The following NELL1 variants were observed in gnomAD, a reference collection of about 807,000 sequenced individuals.
NELL1 encodes protein kinase C-binding protein NELL1.
In NELL1, 76 loss-of-function variants were observed where a neutral mutation model predicts 107.4. The ratio of observed to expected loss-of-function variants is 0.71; its 90% CI spans 0.59 to 0.86. The LOEUF is 0.86. Among genes scored for constraint, NELL1 ranks in the 40% least tolerant of loss-of-function variants. The probability of loss-of-function intolerance (pLI) is 0.00; values close to 1 mark genes in which losing one functional copy is unlikely to be tolerated. For synonymous variants in NELL1, 353 were observed against 341.2 expected (o/e 1.03, Z -0.38); for missense variants, 1,024 against 1,005.5 (o/e 1.02, Z -0.25).
intron 14 of NELL1, 152 bp from the exon 15 acceptor site, chr11:21,370,701 A>C (rs1851338140): frequency 1.7e-6 from 1 of 591,862 alleles, no homozygotes; most frequent in African/African-American, 1.9e-5. Flanking sequence ...TATTACATTT[A>C]TTTCTTTTTC....
Position 20,669,898 on chromosome 11 carries a change from C to T in NELL1, c.55+120C>T, listed in dbSNP as rs776081592. 1 of 813,748 alleles carries T rather than the reference C, an allele frequency of 1.2e-6. No individual in the cohort carries two copies. The highest frequency in any genetic ancestry group is 2.1e-6 in the Non-Finnish European group (1 of 474,018). The allele number at this position is 813,748 out of a possible 1,614,324, so 50.4% of individuals were successfully genotyped here. On this transcript the variant is annotated intron_variant, in intron 1 of 19. Transcript: ENST00000357134. The surrounding 1 kb of genome is among the most constrained non-coding windows in gnomAD (Gnocchi z 4.4). ...GTCTGGGGAACGGCGGTAGCGTGGA[C>T]CGGTTCCTGGGATCTCTTTGCCCTG...
intron 15 of NELL1, among the ~76,000 whole-genome samples, chr11:21,371,348 C>G (rs539658152): frequency 2.0e-5 from 3 of 152,068 alleles, no homozygotes; most frequent in African/African-American, 7.2e-5. Context: ...ATGCTCCTTG[C>G]GTAAAACCAC....
At chr11:21,175,134 T>C (rs1231774698) in intron 13 of NELL1, among the ~76,000 whole-genome samples, 6 of 151,820 alleles carry the variant, frequency 4.0e-5, no homozygotes, top group Non-Finnish European at 8.8e-5. Flanking sequence ...AGCGTAATTC[T>C]GACCTTCTTT....
chr11:21,441,745 G>T (rs1361175699), intron 15 of NELL1, among the ~76,000 whole-genome samples: 1 of 150,934 alleles, frequency 6.6e-6, no homozygotes, highest in East Asian at 2.0e-4. Flanking sequence ...GGGTTGATAA[G>T]GTCTGACATC....
chr11:21,051,254 A>G (rs1245000250), intron 12 of NELL1, among the ~76,000 whole-genome samples: 1 of 152,150 alleles, frequency 6.6e-6, no homozygotes, highest in Non-Finnish European at 1.5e-5. Context: ...GGAGTTGGAG[A>G]CCATTATTCT....
At chr11:20,684,244 C>CA (rs1030591487) in intron 2 of NELL1, among the ~76,000 whole-genome samples, 4 of 151,128 alleles carry the variant, frequency 2.6e-5, no homozygotes, top group African/African-American at 2.4e-5. Context: ...CTCATCTCTA[C>CA]AAAAAATAAA....
chr11:21,295,639 A>T (rs894352906), intron 14 of NELL1, among the ~76,000 whole-genome samples: 1 of 152,068 alleles, frequency 6.6e-6, no homozygotes, highest in Non-Finnish European at 1.5e-5. Flanking sequence ...GGGAATACGC[A>T]TAATTTCTGC....
intron 14 of NELL1, among the ~76,000 whole-genome samples, chr11:21,252,452 C>G (rs1159855421): frequency 6.6e-6 from 1 of 152,084 alleles, no homozygotes; most frequent in Non-Finnish European, 1.5e-5. Flanking sequence ...CCTGACACTC[C>G]CGTTTGACCA....
intron 15 of NELL1, among the ~76,000 whole-genome samples, chr11:21,532,390 C>T (rs571116031): frequency 1.3e-5 from 2 of 152,308 alleles, no homozygotes; most frequent in African/African-American, 4.8e-5. Context: ...CACTTCTGTT[C>T]TTCCTAGAAA....
chr11:20,752,174 G>C (rs567008159), intron 2 of NELL1, among the ~76,000 whole-genome samples: 1 of 149,138 alleles, frequency 6.7e-6, no homozygotes, highest in East Asian at 2.0e-4. Flanking sequence ...CATCAAGTCT[G>C]ATGTTACCTG....
intron 12 of NELL1, among the ~76,000 whole-genome samples, chr11:21,003,730 C>CT (rs1212729073): frequency 6.6e-6 from 1 of 152,100 alleles, no homozygotes; most frequent in Non-Finnish European, 1.5e-5. Flanking sequence ...CTGAGGGTCT[C>CT]TGACTCCAAG....
intron 2 of NELL1, among the ~76,000 whole-genome samples, chr11:20,720,315 C>T (rs1855351124): frequency 6.6e-6 from 1 of 151,304 alleles, no homozygotes; most frequent in Non-Finnish European, 1.5e-5. Context: ...TCAAGCGATT[C>T]TCCTGCCTCA....
At position 21,088,059 on chromosome 11, in the gene NELL1, C is replaced by CTGTGTGTG. The variant is rs56900585; in HGVS notation, c.1301-25490_1301-25483dup. Reference sequence around the variant, plus strand: ...TTGTTTTCTGTGAGTCCCAGTAGCTCTGTGTGTGTGTGTGTGTGTGTGTGT... The same window carrying CTGTGTGTG: ...TTGTTTTCTGTGAGTCCCAGTAGCTCTGTGTGTGTGTGTGTGTGTGTGTGTGTGTGTGT... On this transcript the variant is annotated intron_variant, in intron 12 of 19. Transcript: ENST00000357134. Among the ~76,000 whole-genome samples the CTGTGTGTG allele has an allele frequency of 4.3e-3, 585 of 136,058 alleles. 4 individuals are homozygous for CTGTGTGTG. The highest frequency in any genetic ancestry group is 9.7e-3 in the East Asian group (43 of 4,436). The allele number at this position is 136,058 out of a possible 152,430, so 89.3% of individuals were successfully genotyped here.
At chr11:21,392,052 C>T (rs575302575) in intron 15 of NELL1, among the ~76,000 whole-genome samples, 9 of 151,720 alleles carry the variant, frequency 5.9e-5, no homozygotes, top group East Asian at 2.0e-4. Flanking sequence ...AGAGTCAGGT[C>T]GGAAGAATAA....
intron 5 of NELL1, among the ~76,000 whole-genome samples, chr11:20,907,129 TAACA>T (rs1850016907): frequency 6.7e-6 from 1 of 150,134 alleles, no homozygotes; most frequent in Admixed American, 6.7e-5. Flanking sequence ...CAAAATCAAC[TAACA>T]TTCTAAATAT....
chr11:21,057,586 T>G (rs1200767196), intron 12 of NELL1, among the ~76,000 whole-genome samples: 1 of 151,846 alleles, frequency 6.6e-6, no homozygotes, highest in Non-Finnish European at 1.5e-5. Context: ...TTAGTCTATA[T>G]CCATACAATT....
At chr11:21,224,984 C>T (rs920272210) in intron 13 of NELL1, among the ~76,000 whole-genome samples, 1 of 151,966 alleles carries the variant, frequency 6.6e-6, no homozygotes, top group African/African-American at 2.4e-5. Flanking sequence ...GTGTTGGCTC[C>T]CTCTGTCCTG....
intron 15 of NELL1, among the ~76,000 whole-genome samples, chr11:21,385,067 G>A (rs1279004816): frequency 2.0e-5 from 3 of 151,778 alleles, no homozygotes; most frequent in African/African-American, 4.8e-5. Flanking sequence ...TTCTGCACAA[G>A]CATTACCTCC....
intron 2 of NELL1, among the ~76,000 whole-genome samples, chr11:20,748,926 A>ATCCT (rs1856070220): frequency 1.3e-5 from 2 of 149,934 alleles, no homozygotes; most frequent in East Asian, 2.0e-4. Context: ...CCATCCATCC[A>ATCCT]TCCATCCATC....
Sources: allele counts gnomAD v4.1 joint callset (sites outside exome capture counted in the v4.1 genomes callset), GRCh38; gene constraint gnomAD v4.1.1; non-coding constraint Gnocchi (gnomAD v3.1); transcripts MANE v1.5; gene names NCBI Gene and HGNC (gene_info 2026-07-23, HGNC 2026-07-21).